FGGY: variants seen among roughly 807,000 people sequenced by gnomAD.
FGGY encodes the protein FGGY carbohydrate kinase domain containing.
In FGGY, 72 loss-of-function variants were observed where a neutral mutation model predicts 71.3. That is an observed-to-expected ratio of 1.01 (90% CI 0.84 to 1.23). The LOEUF (loss-of-function observed/expected upper bound fraction) is 1.23. Ranked by LOEUF, FGGY falls within the 50% of genes most tolerant of loss-of-function variation. FGGY has a pLI of 0.00. For missense variants in FGGY, 668 were observed against 682.3 expected (o/e 0.98, Z 0.23); for synonymous variants, 251 against 250.3 (o/e 1.00, Z -0.02).
At chr1:59,563,308 G>C (rs954717398) in intron 8 of FGGY, among the ~76,000 whole-genome samples, 2 of 152,130 alleles carry the variant, frequency 1.3e-5, no homozygotes, top group African/African-American at 4.8e-5. Context: ...TAGCATGAAG[G>C]GGTGTTGAAT....
At position 59,301,898 on chromosome 1, in the gene FGGY, TTTC is replaced by T. The variant is rs2042809098; in HGVS notation, c.-15+4751_-15+4753del. Among the ~76,000 whole-genome samples the T allele has an allele frequency of 4.2e-5, 6 of 141,214 alleles. No individual in the cohort carries two copies. In the South Asian group the frequency reaches 1.5e-3, roughly 34 times the overall value. The allele number at this position is 141,214 out of a possible 152,430, so 92.6% of individuals were successfully genotyped here. A position where few individuals can be genotyped will look rare whatever the true frequency, so the allele number is the denominator to read the frequency against. Reference sequence around the variant, plus strand: ...CCAGCTGATTTTGTATTTTTCTTTCTTTCTTTTTTTTTTTTTTAAGTAGAGATG... The same window carrying T: ...CCAGCTGATTTTGTATTTTTCTTTCTTTTTTTTTTTTTTTAAGTAGAGATG... On this transcript the variant is annotated intron_variant, in intron 1 of 15. Transcript: ENST00000303721.
In FGGY at chr1:59,310,679, G is replaced by A. The variant is rs146047982; in HGVS notation, c.-14-10857G>A. Among the ~76,000 whole-genome samples, 575 of 152,314 alleles carry A rather than the reference G, an allele frequency of 3.8e-3. 3 individuals carry two copies. The highest frequency in any genetic ancestry group is 0.035 in the South Asian group (170 of 4,830). On this transcript the variant is annotated intron_variant, in intron 1 of 15. Coordinates refer to ENST00000303721, the MANE Select transcript of FGGY (RefSeq NM_018291.5). ...GGTTTGTAGAAGATGGACTGACTCT[G>A]TTGATTCACTTGTCGGGTGGACCCT...
chr1:59,481,437 G>A (rs948301595), intron 6 of FGGY, among the ~76,000 whole-genome samples: 8 of 152,174 alleles, frequency 5.3e-5, no homozygotes, highest in South Asian at 2.1e-4. Context: ...GGCCCTGTGC[G>A]AGTGCTTTCT....
intron 11 of FGGY, among the ~76,000 whole-genome samples, chr1:59,651,106 G>T (rs1360970827): frequency 2.6e-5 from 4 of 151,538 alleles, no homozygotes; most frequent in African/African-American, 9.8e-5. Context: ...TTGCACTGTG[G>T]TCTGAGAGAT....
chr1:59,522,515 T>G (rs2094863675), intron 7 of FGGY, among the ~76,000 whole-genome samples: 1 of 152,160 alleles, frequency 6.6e-6, no homozygotes, highest in African/African-American at 2.4e-5. Flanking sequence ...CCAGGCTTAT[T>G]AGATCAGGGT....
intron 5 of FGGY, among the ~76,000 whole-genome samples, chr1:59,427,894 G>T (rs1029015509): frequency 6.6e-6 from 1 of 152,092 alleles, no homozygotes; most frequent in Non-Finnish European, 1.5e-5. Flanking sequence ...AACTCCAATG[G>T]CCTTCTGCTT....
intron 9 of FGGY, among the ~76,000 whole-genome samples, chr1:59,616,947 G>A (rs187027928): frequency 4.4e-4 from 67 of 152,172 alleles, no homozygotes; most frequent in Non-Finnish European, 9.6e-4. Context: ...ACCAGTGATG[G>A]CCTTTTAATA....
At position 59,609,269 on chromosome 1, in the gene FGGY, A is replaced by G. The variant is rs150815313; in HGVS notation, c.1011+1359A>G. Among the ~76,000 whole-genome samples, 461 of 152,380 alleles carry G rather than the reference A, an allele frequency of 3.0e-3. 5 individuals carry two copies. Among genetic ancestry groups the G allele is most frequent in the African/African-American group, 0.011 (438 of 41,602 alleles). On this transcript the variant is annotated intron_variant, in intron 9 of 15. Coordinates refer to ENST00000303721, the MANE Select transcript of FGGY (RefSeq NM_018291.5). ...AAAGTTAGAGAGTAGGGCAGAGACC[A>G]CATCCCTGTAAAACATGCTAAGGAA...
chr1:59,361,845 T>G (rs1453154473), intron 4 of FGGY, among the ~76,000 whole-genome samples: 1 of 152,138 alleles, frequency 6.6e-6, no homozygotes, highest in Non-Finnish European at 1.5e-5. Context: ...GACTAGACAG[T>G]GTGCCTGAGA....
At chr1:59,471,247 G>A (rs2092926428) in intron 6 of FGGY, among the ~76,000 whole-genome samples, 1 of 152,192 alleles carries the variant, frequency 6.6e-6, no homozygotes, top group South Asian at 2.1e-4. Context: ...TTCCCTGCTT[G>A]TTCTTGCTCT....
At chr1:59,526,888 C>T (rs2094999891) in intron 7 of FGGY, among the ~76,000 whole-genome samples, 1 of 152,144 alleles carries the variant, frequency 6.6e-6, no homozygotes, top group African/African-American at 2.4e-5. Flanking sequence ...TTCCCTTCTG[C>T]AAATGGGGAT....
intron 6 of FGGY, among the ~76,000 whole-genome samples, chr1:59,494,730 A>G (rs1481868380): frequency 2.6e-5 from 4 of 152,196 alleles, no homozygotes; most frequent in Non-Finnish European, 4.4e-5. Flanking sequence ...TGAGGAAGAA[A>G]GAGCAGAGAG....
chr1:59,403,906 A>G (rs772219895), intron 5 of FGGY, among the ~76,000 whole-genome samples: 1 of 152,226 alleles, frequency 6.6e-6, no homozygotes, highest in Non-Finnish European at 1.5e-5. Flanking sequence ...ATAATAGGAC[A>G]TGCCTCACAG....
At chr1:59,325,263 AG>A (rs2047198472) in intron 2 of FGGY, among the ~76,000 whole-genome samples, 1 of 152,044 alleles carries the variant, frequency 6.6e-6, no homozygotes, top group Admixed American at 6.6e-5. Flanking sequence ...AGGCTGAGGC[AG>A]GAGAATGGCG....
intron 4 of FGGY, among the ~76,000 whole-genome samples, chr1:59,349,253 G>A (rs1383188831): frequency 2.0e-5 from 3 of 152,176 alleles, no homozygotes; most frequent in East Asian, 1.9e-4. Context: ...GGCTCTTGGC[G>A]TAGGACCAGG....
At chr1:59,526,427 G>A (rs2094981324) in intron 7 of FGGY, among the ~76,000 whole-genome samples, 1 of 152,238 alleles carries the variant, frequency 6.6e-6, no homozygotes, top group Admixed American at 6.5e-5. Flanking sequence ...GCTGGGCACT[G>A]GGAATACCAG....
intron 6 of FGGY, among the ~76,000 whole-genome samples, chr1:59,487,337 C>G (rs1456124158): frequency 6.6e-6 from 1 of 152,054 alleles, no homozygotes; most frequent in Non-Finnish European, 1.5e-5. Context: ...AACTACAGAT[C>G]TTCACTTCCT....
At chr1:59,411,453 G>A (rs560613729) in intron 5 of FGGY, among the ~76,000 whole-genome samples, 2 of 152,318 alleles carry the variant, frequency 1.3e-5, no homozygotes, top group South Asian at 2.1e-4. Context: ...TGTAATTAAT[G>A]ATTACCTTGT....
intron 10 of FGGY, among the ~76,000 whole-genome samples, chr1:59,635,920 G>C (rs1000273833): frequency 3.9e-5 from 6 of 152,156 alleles, no homozygotes; most frequent in Non-Finnish European, 5.9e-5. Context: ...AGGGTTTAAA[G>C]CTGGACTCAG....
Sources: gnomAD v4.1 joint callset for allele counts (sites outside exome capture counted in the v4.1 genomes callset) on GRCh38, gnomAD v4.1.1 for gene constraint, MANE v1.5 for transcripts, NCBI Gene and HGNC (gene_info 2026-07-23, HGNC 2026-07-21) for gene names.